ADAMTS17: variants seen among roughly 807,000 people sequenced by gnomAD.
The protein encoded by ADAMTS17 is ADAM metallopeptidase with thrombospondin type 1 motif 17.
A neutral mutation model predicts 141.5 loss-of-function variants in ADAMTS17; 113 were observed. The ratio of observed to expected loss-of-function variants is 0.80; its 90% CI spans 0.69 to 0.93. ADAMTS17 has a LOEUF of 0.93. ADAMTS17 is among the 40% of genes least tolerant of loss of function. The probability of loss-of-function intolerance (pLI) is 0.00; values close to 1 mark genes in which losing one functional copy is unlikely to be tolerated. For synonymous variants in ADAMTS17, 768 were observed against 630.6 expected (o/e 1.22, Z -3.27); for missense variants, 1,659 against 1,517.9 (o/e 1.09, Z -1.54).
chr15:100,282,475 G>A (rs868118320), intron 3 of ADAMTS17, among the ~76,000 whole-genome samples: 18 of 152,170 alleles, frequency 1.2e-4, no homozygotes, highest in African/African-American at 3.6e-4. Flanking sequence ...CTACGATGAC[G>A]TGTCATTTAT....
intron 15 of ADAMTS17, among the ~76,000 whole-genome samples, chr15:100,068,517 G>A (rs959549126): frequency 6.6e-6 from 1 of 152,202 alleles, no homozygotes; most frequent in Non-Finnish European, 1.5e-5. Flanking sequence ...GGGGCAGACT[G>A]ACACCTCACA....
intron 12 of ADAMTS17, among the ~76,000 whole-genome samples, chr15:100,122,029 C>T (rs573985198): frequency 2.1e-4 from 32 of 152,288 alleles, no homozygotes; most frequent in Middle Eastern, 3.4e-3. Context: ...CAGTTGCACC[C>T]TCTCTAACAA....
intron 7 of ADAMTS17, among the ~76,000 whole-genome samples, chr15:100,246,756 T>C (rs2042998696): frequency 6.6e-6 from 1 of 152,230 alleles, no homozygotes; most frequent in Non-Finnish European, 1.5e-5. Flanking sequence ...CCATATTTCA[T>C]CATAGCTTTA....
intron 3 of ADAMTS17, among the ~76,000 whole-genome samples, chr15:100,293,905 T>C (rs562198803): frequency 6.6e-6 from 1 of 152,298 alleles, no homozygotes; most frequent in South Asian, 2.1e-4. Context: ...TGAAATGAAA[T>C]ACGAGTCACT....
At chr15:100,080,151 T>G (rs1226878425) in intron 15 of ADAMTS17, among the ~76,000 whole-genome samples, 2 of 152,120 alleles carry the variant, frequency 1.3e-5, no homozygotes, top group South Asian at 4.1e-4. Context: ...TAGCAAAATT[T>G]TTGCTTCCTG....
intron 15 of ADAMTS17, among the ~76,000 whole-genome samples, chr15:100,080,315 G>C (rs766159076): frequency 1.3e-4 from 20 of 152,306 alleles, no homozygotes; most frequent in Admixed American, 7.8e-4. Flanking sequence ...AGGCCAAGAA[G>C]GGAGTTACAG....
intron 18 of ADAMTS17, among the ~76,000 whole-genome samples, chr15:100,041,605 T>C (rs954599741): frequency 1.1e-4 from 17 of 152,224 alleles, no homozygotes; most frequent in Admixed American, 2.6e-4. Flanking sequence ...CCATAACAGC[T>C]GGGCTGATCT....
intron 4 of ADAMTS17, among the ~76,000 whole-genome samples, chr15:100,263,182 G>T (rs763566681): frequency 7.9e-5 from 12 of 152,276 alleles, no homozygotes; most frequent in South Asian, 2.1e-4. Context: ...GGGGCTGGGG[G>T]AGACAGATGC....
At chr15:100,224,447 T>C (rs2042236702) in intron 7 of ADAMTS17, among the ~76,000 whole-genome samples, 1 of 152,104 alleles carries the variant, frequency 6.6e-6, no homozygotes, top group South Asian at 2.1e-4. Context: ...GTAAAAGAAT[T>C]GAGATACAGA....
intron 3 of ADAMTS17, among the ~76,000 whole-genome samples, chr15:100,284,462 C>A (rs2044382911): frequency 6.6e-6 from 1 of 152,170 alleles, no homozygotes; most frequent in African/African-American, 2.4e-5. Context: ...GAGTGCAGGG[C>A]AGAGCTTGCC....
At chr15:100,283,314 C>T (rs1190033338) in intron 3 of ADAMTS17, among the ~76,000 whole-genome samples, 1 of 152,208 alleles carries the variant, frequency 6.6e-6, no homozygotes, top group African/African-American at 2.4e-5. Context: ...GTGGCTGTGC[C>T]TTTGCACATT....
chr15:100,263,568 G>A (rs1045562272), intron 4 of ADAMTS17, among the ~76,000 whole-genome samples: 2 of 152,164 alleles, frequency 1.3e-5, no homozygotes, highest in African/African-American at 2.4e-5. Context: ...GGAATAAGGC[G>A]AAGGAGTCAA....
intron 8 of ADAMTS17, among the ~76,000 whole-genome samples, chr15:100,182,919 T>C (rs534243331): frequency 6.6e-6 from 1 of 152,336 alleles, no homozygotes; most frequent in East Asian, 1.9e-4. Flanking sequence ...ATTGGGATGT[T>C]TTCGGACTTT....
rs141443664 is a variant in ADAMTS17, at chr15:100,096,408, G to A, written c.2085C>T (p.Asp695=). 3.5e-5 allele frequency: 57 copies of A among 1,613,972 alleles called. No homozygotes were observed. Among genetic ancestry groups the A allele is most frequent in the Admixed American group, 8.3e-5 (5 of 60,006 alleles). Residue 695 remains aspartate, a synonymous_variant, in exon 15 of 22, where the codon GAC becomes GAT. Coordinates refer to ENST00000268070, the MANE Select transcript of ADAMTS17 (RefSeq NM_139057.4). ...CCTTCACCAAGTGGCAGGTCTTGCC[G>A]TCCCCGCTGCAGACCCCGCATCTGT... The part of the protein sequence containing the change: ...KEDRCGVCSG[D]GKTCHLVKGD...
chr15:100,325,568 A>C (rs1205021250), intron 3 of ADAMTS17, among the ~76,000 whole-genome samples: 1 of 152,154 alleles, frequency 6.6e-6, no homozygotes, highest in Non-Finnish European at 1.5e-5. Flanking sequence ...ATCCCTCATG[A>C]ATGGCTTAGT....
At chr15:100,198,964 G>T (rs959469440) in intron 8 of ADAMTS17, among the ~76,000 whole-genome samples, 1 of 152,208 alleles carries the variant, frequency 6.6e-6, no homozygotes, top group Non-Finnish European at 1.5e-5. Context: ...ACAGTATAAA[G>T]ATGCATCCCA....
intron 7 of ADAMTS17, among the ~76,000 whole-genome samples, chr15:100,234,505 T>C (rs1258604923): frequency 1.3e-5 from 2 of 152,220 alleles, no homozygotes; most frequent in Non-Finnish European, 2.9e-5. Flanking sequence ...GCCCCATCCA[T>C]AATCCCTGCT....
intron 15 of ADAMTS17, among the ~76,000 whole-genome samples, chr15:100,072,534 G>T (rs1171556106): frequency 6.6e-6 from 1 of 152,012 alleles, no homozygotes; most frequent in East Asian, 1.9e-4. Context: ...AACCAAAACA[G>T]CATGGTACTG....
chr15:100,058,446 T>A (rs1230557195), intron 15 of ADAMTS17, among the ~76,000 whole-genome samples: 1 of 151,602 alleles, frequency 6.6e-6, no homozygotes, highest in Admixed American at 6.6e-5. Flanking sequence ...GGGCCCTTTT[T>A]TTAAAGATGT....
Sources: allele counts gnomAD v4.1 joint callset (sites outside exome capture counted in the v4.1 genomes callset), GRCh38; gene constraint gnomAD v4.1.1; transcripts MANE v1.5; gene names NCBI Gene and HGNC (gene_info 2026-07-23, HGNC 2026-07-21).